DNAJC1: variants seen among roughly 807,000 people sequenced by gnomAD.
DNAJC1 encodes DnaJ heat shock protein family (Hsp40) member C1, also known as dnaJ homolog subfamily C member 1.
A neutral mutation model predicts 76.6 loss-of-function variants in DNAJC1; 58 were observed. The observed-to-expected ratio is 0.76, with a 90% CI of 0.61 to 0.94. The LOEUF (loss-of-function observed/expected upper bound fraction) is 0.94, where lower values mean the gene tolerates loss of function less well. Ranked by LOEUF, DNAJC1 falls within the 40% of genes least tolerant of loss-of-function variation. DNAJC1 has a pLI of 0.00. For missense variants in DNAJC1, 689 were observed against 677.3 expected (o/e 1.02, Z -0.19); for synonymous variants, 258 against 267.9 (o/e 0.96, Z 0.36).
chr10:21,942,497 A>G (rs1837430404), intron 1 of DNAJC1, among the ~76,000 whole-genome samples: 1 of 152,146 alleles, frequency 6.6e-6, no homozygotes, highest in Non-Finnish European at 1.5e-5. Context: ...GTTTACAAAT[A>G]TAAGATATAT....
At chr10:21,895,762 T>C (rs776213046) in intron 7 of DNAJC1, among the ~76,000 whole-genome samples, 3 of 152,184 alleles carry the variant, frequency 2.0e-5, no homozygotes, top group Non-Finnish European at 4.4e-5. Flanking sequence ...GGAGATTATC[T>C]GTGCTGCCCT....
chr10:21,944,122 A>T (rs1343036829), intron 1 of DNAJC1, among the ~76,000 whole-genome samples: 3 of 152,050 alleles, frequency 2.0e-5, no homozygotes, highest in Admixed American at 2.0e-4. Context: ...AGACACTGGC[A>T]TGGAAAAATA....
chr10:21,986,258 T>C (rs1838245733), intron 1 of DNAJC1, among the ~76,000 whole-genome samples: 1 of 152,202 alleles, frequency 6.6e-6, no homozygotes, highest in Non-Finnish European at 1.5e-5. Context: ...AGTTGCATTT[T>C]ACCTTGCCAC....
At chr10:21,905,256 C>T (rs1380377923) in intron 6 of DNAJC1, among the ~76,000 whole-genome samples, 1 of 146,378 alleles carries the variant, frequency 6.8e-6, no homozygotes, top group East Asian at 2.0e-4. Context: ...TAGTGGTGTA[C>T]CAAAAAAAAA....
chr10:21,887,918 T>G (rs995942287), intron 7 of DNAJC1, among the ~76,000 whole-genome samples: 1 of 151,922 alleles, frequency 6.6e-6, no homozygotes, highest in East Asian at 1.9e-4. Context: ...CTGCACAGCA[T>G]AAAGAAACTA....
chr10:21,794,542 A>C (rs1398049140), intron 9 of DNAJC1, among the ~76,000 whole-genome samples: 1 of 152,118 alleles, frequency 6.6e-6, no homozygotes, highest in Non-Finnish European at 1.5e-5. Flanking sequence ...TGACCCTTAA[A>C]TCTCACATTA....
chr10:21,891,087 G>A (rs1836453259), intron 7 of DNAJC1, among the ~76,000 whole-genome samples: 1 of 152,124 alleles, frequency 6.6e-6, no homozygotes, highest in Non-Finnish European at 1.5e-5. Context: ...CTACTCAGGA[G>A]GCTGAGGCAG....
At chr10:21,840,205 C>T (rs1835550725) in intron 8 of DNAJC1, among the ~76,000 whole-genome samples, 1 of 152,110 alleles carries the variant, frequency 6.6e-6, no homozygotes, top group Admixed American at 6.6e-5. Flanking sequence ...ACAGGGATGC[C>T]CTCTCTCACC....
chr10:21,888,278 C>T (rs1003102068), intron 7 of DNAJC1, among the ~76,000 whole-genome samples: 4 of 152,132 alleles, frequency 2.6e-5, no homozygotes, highest in Admixed American at 2.0e-4. Flanking sequence ...CACCTATACA[C>T]TGTTGGTGGG....
chr10:21,949,043 GTAGT>G (rs1837551080), intron 1 of DNAJC1, among the ~76,000 whole-genome samples: 1 of 152,150 alleles, frequency 6.6e-6, no homozygotes. Flanking sequence ...CTCATCTTCA[GTAGT>G]TAAAGTTTAA....
At chr10:21,759,887 G>A (rs1199433735) in intron 10 of DNAJC1, among the ~76,000 whole-genome samples, 2 of 152,122 alleles carry the variant, frequency 1.3e-5, no homozygotes, top group Admixed American at 1.3e-4. Context: ...CTACTCTGAG[G>A]AATAATGGGT....
intron 8 of DNAJC1, 53 bp from the exon 9 acceptor site, chr10:21,806,152 T>G: frequency 6.5e-7 from 1 of 1,533,618 alleles, no homozygotes; most frequent in Non-Finnish European, 8.8e-7. Flanking sequence ...AATAAAAAGA[T>G]AATTGGAAGA....
chr10:21,910,107 C>A (rs1005999800), intron 6 of DNAJC1, among the ~76,000 whole-genome samples: 1 of 150,158 alleles, frequency 6.7e-6, no homozygotes, highest in Admixed American at 6.6e-5. Context: ...AATATCCTTA[C>A]ATTAAACCTT....
intron 8 of DNAJC1, among the ~76,000 whole-genome samples, chr10:21,807,555 A>C (rs1226312024): frequency 6.6e-6 from 1 of 152,208 alleles, no homozygotes; most frequent in Non-Finnish European, 1.5e-5. Flanking sequence ...TTCATTTGCA[A>C]AGCAAACTAC....
At chr10:21,990,016 T>C in intron 1 of DNAJC1, among the ~76,000 whole-genome samples, 1 of 152,226 alleles carries the variant, frequency 6.6e-6, no homozygotes, top group Non-Finnish European at 1.5e-5. Flanking sequence ...TGCCAAAGTC[T>C]AAAACATTTT....
chr10:21,807,396 G>C (rs1834895669), intron 8 of DNAJC1, among the ~76,000 whole-genome samples: 1 of 152,118 alleles, frequency 6.6e-6, no homozygotes, highest in South Asian at 2.1e-4. Context: ...CTCACTGCAA[G>C]CTTAACGGGG....
At chr10:21,916,197 T>A (rs2131762883) in intron 6 of DNAJC1, among the ~76,000 whole-genome samples, 1 of 152,176 alleles carries the variant, frequency 6.6e-6, no homozygotes, top group East Asian at 1.9e-4. Context: ...GACTCTTATT[T>A]AAAAATAAAA....
In DNAJC1 at chr10:21,994,413, T is replaced by C. The variant is rs149727634; in HGVS notation, c.222+8800A>G. Among the ~76,000 whole-genome samples the C allele has an allele frequency of 3.8e-3, 581 of 152,306 alleles. 3 individuals carry two copies. The highest frequency in any genetic ancestry group is 4.6e-3 in the Non-Finnish European group (312 of 68,034). Reference sequence around the variant, plus strand: ...AACGTGTGATATAAAAAGTCACTCATTGATTGTGTAAAACTACTATAGAAC... The same window carrying C: ...AACGTGTGATATAAAAAGTCACTCACTGATTGTGTAAAACTACTATAGAAC... On this transcript the variant is annotated intron_variant, in intron 1 of 11. Coordinates refer to ENST00000376980, the MANE Select transcript of DNAJC1 (RefSeq NM_022365.4).
At position 21,764,589 on chromosome 10, in the gene DNAJC1, A is replaced by G. The variant is rs543671769; in HGVS notation, c.1147+1672T>C. ...CACTTTGAAAGGTATCCAAAATCTTAGGAAACAATTTTAGAATTTCTAATA... is the reference window on the plus strand; with the variant it reads ...CACTTTGAAAGGTATCCAAAATCTTGGGAAACAATTTTAGAATTTCTAATA... On this transcript the variant is annotated intron_variant, in intron 10 of 11. Transcript: ENST00000376980. 2.0e-5 allele frequency among the ~76,000 whole-genome samples: 3 copies of G among 152,336 alleles called. No homozygotes were observed. In the South Asian group the frequency reaches 6.2e-4, roughly 32 times the overall value.
Sources: gnomAD v4.1 joint callset for allele counts (sites outside exome capture counted in the v4.1 genomes callset) on GRCh38, gnomAD v4.1.1 for gene constraint, MANE v1.5 for transcripts, NCBI Gene and HGNC (gene_info 2026-07-23, HGNC 2026-07-21) for gene names.